The following KLHL32 variants were observed in gnomAD, a reference collection of about 807,000 sequenced individuals.
KLHL32 encodes kelch like family member 32, also known as kelch-like protein 32.
Under a neutral mutation model 64.8 loss-of-function variants are expected in KLHL32, and 35 were observed. The observed-to-expected ratio is 0.54, with a 90% CI of 0.41 to 0.72. The LOEUF (loss-of-function observed/expected upper bound fraction) is 0.72. KLHL32 is among the 30% of genes least tolerant of loss of function. The pLI is 0.00. For missense variants in KLHL32, 589 were observed against 768.5 expected (o/e 0.77, Z 2.76); for synonymous variants, 259 against 281.0 (o/e 0.92, Z 0.78).
intron 1 of KLHL32, among the ~76,000 whole-genome samples, chr6:96,944,540 G>A (rs1236964963): frequency 1.3e-5 from 2 of 152,140 alleles, no homozygotes; most frequent in African/African-American, 4.8e-5. Context: ...TGAGTTTGAT[G>A]ATGCTATATA....
At chr6:96,956,161 G>A (rs1463492987) in intron 1 of KLHL32, among the ~76,000 whole-genome samples, 1 of 152,116 alleles carries the variant, frequency 6.6e-6, no homozygotes, top group Admixed American at 6.5e-5. Flanking sequence ...ACTATCACGA[G>A]AACAGCATGA....
chr6:97,074,489 A>G (rs767029687), intron 5 of KLHL32, among the ~76,000 whole-genome samples: 2 of 152,218 alleles, frequency 1.3e-5, no homozygotes, highest in Non-Finnish European at 2.9e-5. Flanking sequence ...CATAGCATCC[A>G]AAAGATAAAA....
At chr6:97,076,365 A>T (rs1791589243) in intron 5 of KLHL32, among the ~76,000 whole-genome samples, 1 of 152,228 alleles carries the variant, frequency 6.6e-6, no homozygotes, top group African/African-American at 2.4e-5. Context: ...TAGCTACTGT[A>T]TGTTGAGCAT....
chr6:97,118,492 G>A (rs980366170), intron 7 of KLHL32, among the ~76,000 whole-genome samples: 17 of 151,952 alleles, frequency 1.1e-4, no homozygotes, highest in Non-Finnish European at 2.1e-4. Flanking sequence ...GGTGGCGGGC[G>A]CCTGTAATCG....
intron 1 of KLHL32, among the ~76,000 whole-genome samples, chr6:96,958,039 T>C (rs7762923): frequency 0.099 from 15,066 of 152,268 alleles, 796 homozygotes; most frequent in Middle Eastern, 0.16. Flanking sequence ...GCAAGATAGA[T>C]GTGGATCCTG....
intron 3 of KLHL32, among the ~76,000 whole-genome samples, chr6:96,997,114 G>C (rs538522509): frequency 1.3e-5 from 2 of 152,210 alleles, no homozygotes; most frequent in African/African-American, 2.4e-5. Flanking sequence ...TTGAGGTCTG[G>C]AGAGTGTTGG....
At chr6:96,931,066 A>C (rs961345714) in intron 1 of KLHL32, among the ~76,000 whole-genome samples, 5 of 152,166 alleles carry the variant, frequency 3.3e-5, no homozygotes, top group African/African-American at 1.2e-4. Flanking sequence ...TTCATGCTGA[A>C]TTATGTAAAT....
At chr6:97,021,667 A>C (rs932444674) in intron 3 of KLHL32, among the ~76,000 whole-genome samples, 12 of 150,966 alleles carry the variant, frequency 7.9e-5, no homozygotes, top group Admixed American at 4.6e-4. Flanking sequence ...TCAAATTGGC[A>C]CATGAAATTA....
At chr6:97,023,275 A>C (rs902033669) in intron 3 of KLHL32, among the ~76,000 whole-genome samples, 2 of 152,234 alleles carry the variant, frequency 1.3e-5, no homozygotes, top group Non-Finnish European at 2.9e-5. Context: ...ACTGGTTAGC[A>C]AAAGATCTTT....
intron 8 of KLHL32, among the ~76,000 whole-genome samples, chr6:97,127,676 A>C (rs1799020450): frequency 6.6e-6 from 1 of 152,206 alleles, no homozygotes; most frequent in Non-Finnish European, 1.5e-5. Context: ...GCTATACAGA[A>C]TACATCACCC....
chr6:97,023,231 A>T (rs1782257356), intron 3 of KLHL32, among the ~76,000 whole-genome samples: 1 of 152,196 alleles, frequency 6.6e-6, no homozygotes, highest in African/African-American at 2.4e-5. Flanking sequence ...AAAAAGCCAC[A>T]ATTTAGGTTT....
intron 6 of KLHL32, among the ~76,000 whole-genome samples, chr6:97,096,386 A>T (rs1050058260): frequency 1.3e-5 from 2 of 152,214 alleles, no homozygotes; most frequent in Non-Finnish European, 2.9e-5. Flanking sequence ...TACTCCCACC[A>T]TTGGCTCGTT....
At chr6:97,128,659 T>C (rs1261089064) in intron 8 of KLHL32, among the ~76,000 whole-genome samples, 2 of 152,196 alleles carry the variant, frequency 1.3e-5, no homozygotes, top group Admixed American at 6.5e-5. Context: ...ACAGAGCACA[T>C]TGCTACCTGC....
chr6:96,969,289 T>C (rs1300086413), intron 2 of KLHL32, among the ~76,000 whole-genome samples: 1 of 152,230 alleles, frequency 6.6e-6, no homozygotes, highest in Non-Finnish European at 1.5e-5. Flanking sequence ...TCAGCCATTT[T>C]ACTCTTACCA....
intron 5 of KLHL32, among the ~76,000 whole-genome samples, chr6:97,066,490 C>T (rs1041361702): frequency 6.6e-6 from 1 of 152,208 alleles, no homozygotes; most frequent in Non-Finnish European, 1.5e-5. Flanking sequence ...GTGTAGCATG[C>T]ATACATGCTT....
intron 3 of KLHL32, among the ~76,000 whole-genome samples, chr6:97,002,119 C>G (rs1222445213): frequency 3.3e-5 from 5 of 152,188 alleles, no homozygotes; most frequent in African/African-American, 1.2e-4. Flanking sequence ...AAGGCCTGAA[C>G]TAGGAGAGGT....
At chr6:97,049,266 T>C (rs1363388824) in intron 4 of KLHL32, among the ~76,000 whole-genome samples, 1 of 152,196 alleles carries the variant, frequency 6.6e-6, no homozygotes, top group Non-Finnish European at 1.5e-5. Flanking sequence ...CCAGCATCAC[T>C]TCTCTTGTAC....
intron 1 of KLHL32, among the ~76,000 whole-genome samples, chr6:96,954,015 A>G (rs754982598): frequency 1.3e-5 from 2 of 152,068 alleles, no homozygotes; most frequent in Non-Finnish European, 2.9e-5. Flanking sequence ...GCCTGTTTTT[A>G]ATAATTGTAG....
chr6:97,137,569 C>G (rs2128225737), intron 10 of KLHL32, among the ~76,000 whole-genome samples: 1 of 152,206 alleles, frequency 6.6e-6, no homozygotes, highest in East Asian at 1.9e-4. Context: ...GAGTATCACT[C>G]TGTCGCCCAG....
Sources: allele counts gnomAD v4.1 joint callset (sites outside exome capture counted in the v4.1 genomes callset), GRCh38; gene constraint gnomAD v4.1.1; transcripts MANE v1.5; gene names NCBI Gene and HGNC (gene_info 2026-07-23, HGNC 2026-07-21).